The following C2orf66 variants were observed in gnomAD, a reference collection of about 807,000 sequenced individuals.
The protein encoded by C2orf66 is uncharacterized protein C2orf66.
In C2orf66, 6 loss-of-function variants were observed where a neutral mutation model predicts 7.0. That is an observed-to-expected ratio of 0.86 (90% CI 0.47 to 1.69). C2orf66 has a LOEUF of 1.69. Among genes scored for constraint, C2orf66 ranks in the 40% most tolerant of loss-of-function variants. The probability of loss-of-function intolerance (pLI) is 0.01; values close to 1 mark genes in which losing one functional copy is unlikely to be tolerated. For missense variants in C2orf66, 107 were observed against 112.0 expected (o/e 0.96, Z 0.20); for synonymous variants, 38 against 43.8 (o/e 0.87, Z 0.52).
chr2:196,818,958 CTT>C, the C2orf66 span, among the ~76,000 whole-genome samples: 2 of 152,108 alleles, frequency 1.3e-5, no homozygotes, highest in African/African-American at 4.8e-5. Context: ...AGTCTAAACT[CTT>C]GATTGTGATG....
chr2:196,830,051 C>T, the C2orf66 span, among the ~76,000 whole-genome samples: 1 of 152,166 alleles, frequency 6.6e-6, no homozygotes, highest in Admixed American at 6.5e-5. Context: ...ATATATCCTC[C>T]CCCATTTTAC....
the C2orf66 span, among the ~76,000 whole-genome samples, chr2:196,818,208 C>T: frequency 1.3e-5 from 2 of 152,222 alleles, no homozygotes; most frequent in Admixed American, 6.5e-5. Context: ...ACACCTGAGA[C>T]CACAGAGCAA....
At chr2:196,821,928 C>CTTTTTTTTTTTTTTTTTTTT in the C2orf66 span, among the ~76,000 whole-genome samples, 1 of 32,276 alleles carries the variant, frequency 3.1e-5, no homozygotes. Context: ...AACCAGTGAG[C>CTTTTTTTTTTTTTTTTTTTT]TTTTTTTTTT....
At chr2:196,815,912 T>C in the C2orf66 span, among the ~76,000 whole-genome samples, 97 of 152,070 alleles carry the variant, frequency 6.4e-4, no homozygotes, top group African/African-American at 2.1e-3. Flanking sequence ...CCTAAGTGAA[T>C]AGGAAAATTA....
rs776778424 is a variant in C2orf66 at position 196,809,245 on chromosome 2, T to C, written c.92A>G (p.Lys31Arg). 2 of 1,614,088 alleles carry C rather than the reference T, an allele frequency of 1.2e-6. No individual in the cohort carries two copies. The highest frequency in any genetic ancestry group is 2.2e-5 in the East Asian group (1 of 44,886). ...TCTGTTTCTGGGGTTGTTGAGTGGC[T>C]TCCATTTGTCCTCATTTCTTACTGT... ...GATVRNEDKW[K>R]PLNNPRNRDL... Residue 31 changes from lysine to arginine, a missense_variant, in exon 1 of 3, where the codon AAG becomes AGG. Transcript: ENST00000342506.
chr2:196,827,922 C>T, the C2orf66 span, among the ~76,000 whole-genome samples: 1 of 152,130 alleles, frequency 6.6e-6, no homozygotes, highest in East Asian at 1.9e-4. Context: ...TATACTGTGA[C>T]TTAGGCACAA....
At chr2:196,827,812 C>A in the C2orf66 span, among the ~76,000 whole-genome samples, 1 of 152,102 alleles carries the variant, frequency 6.6e-6, no homozygotes, top group Non-Finnish European at 1.5e-5. Context: ...TTAATATGAA[C>A]ATACCTCACA....
chr2:196,816,809 C>G, the C2orf66 span, among the ~76,000 whole-genome samples: 1 of 152,110 alleles, frequency 6.6e-6, no homozygotes, highest in African/African-American at 2.4e-5. Flanking sequence ...TAAGCCAATT[C>G]TAAAAGCCTG....
At chr2:196,820,085 T>C in the C2orf66 span, among the ~76,000 whole-genome samples, 1 of 152,202 alleles carries the variant, frequency 6.6e-6, no homozygotes, top group Non-Finnish European at 1.5e-5. Context: ...ATAACTCAGA[T>C]GGGGAAGCCC....
the C2orf66 span, among the ~76,000 whole-genome samples, chr2:196,816,293 T>C: frequency 1.3e-5 from 2 of 152,116 alleles, no homozygotes; most frequent in African/African-American, 4.8e-5. Flanking sequence ...CCTCCCCCAT[T>C]GGTATAGGGG....
the C2orf66 span, among the ~76,000 whole-genome samples, chr2:196,829,876 A>G: frequency 0.011 from 1,635 of 151,504 alleles, 38 homozygotes; most frequent in African/African-American, 0.038. Flanking sequence ...CAGCCTGGGC[A>G]ACAGAGCGAG....
At chr2:196,814,231 A>G (rs1369963312), upstream of C2orf66, among the ~76,000 whole-genome samples, 1 of 152,236 alleles carries the variant, frequency 6.6e-6, no homozygotes. Flanking sequence ...ACCATGGAAT[A>G]CTATGCAGCC....
chr2:196,809,496 TC>T, upstream of C2orf66: 1 of 1,033,942 alleles, frequency 9.7e-7, no homozygotes, highest in Non-Finnish European at 1.4e-6. Context: ...CCATCTTTTT[TC>T]CAGATTGACT....
At position 196,805,101 on chromosome 2, in the gene C2orf66, A is replaced by AAAG. The variant is rs2125757113; in HGVS notation, c.*326_*327insCTT. On this transcript the variant is annotated 3_prime_UTR_variant, in exon 3 of 3. Coordinates refer to ENST00000342506, the MANE Select transcript of C2orf66 (RefSeq NM_213608.3). ...ATAAACATAAAAGACAAGTTTTAAA[A>AAAG]ACAAGCTTAAAGAAACATCTAATTT... The AAAG allele has an allele frequency of 6.6e-6, 1 of 152,354 alleles. No homozygotes were observed. Among genetic ancestry groups the AAAG allele is most frequent in the South Asian group, 2.1e-4 (1 of 4,832 alleles). 9.4% of individuals were successfully genotyped at this position (152,354 alleles called of 1,614,324 possible). A position where few individuals can be genotyped will look rare whatever the true frequency, so the allele number is the denominator to read the frequency against.
upstream of C2orf66, among the ~76,000 whole-genome samples, chr2:196,814,072 G>T (rs1387290029): frequency 1.3e-5 from 2 of 152,182 alleles, no homozygotes; most frequent in South Asian, 4.1e-4. Context: ...CCATTACTGG[G>T]TATACACCCA....
At chr2:196,814,951 A>T in the C2orf66 span, among the ~76,000 whole-genome samples, 3 of 152,098 alleles carry the variant, frequency 2.0e-5, no homozygotes, top group Admixed American at 6.6e-5. Flanking sequence ...TGTTTAAGTT[A>T]AAAAAATTAA....
intron 2 of C2orf66, among the ~76,000 whole-genome samples, 199 bp downstream of exon 2, chr2:196,807,225 A>AT (rs984424318): frequency 1.3e-5 from 2 of 152,196 alleles, no homozygotes; most frequent in African/African-American, 4.8e-5. Context: ...AAAAATAAAA[A>AT]CTGTCATTTC....
Position 196,804,577 on chromosome 2 carries a change from T to C in C2orf66, c.*851A>G, listed in dbSNP as rs1699799365. ...AATCACAGAGAAGATGATGCAGCTA[T>C]CTATAAAGATACAGGAAAAGCAGCT... On this transcript the variant is annotated 3_prime_UTR_variant, in exon 3 of 3. Coordinates refer to ENST00000342506, the MANE Select transcript of C2orf66 (RefSeq NM_213608.3). Among the ~76,000 whole-genome samples the C allele has an allele frequency of 6.6e-6, 1 of 152,194 alleles. No individual in the cohort carries two copies.
At chr2:196,827,954 ATTCT>A in the C2orf66 span, among the ~76,000 whole-genome samples, 2 of 152,198 alleles carry the variant, frequency 1.3e-5, no homozygotes, top group Non-Finnish European at 1.5e-5. Context: ...ATCTAACTTA[ATTCT>A]TTCTCCAAAC....
Sources: gnomAD v4.1 joint callset for allele counts (sites outside exome capture counted in the v4.1 genomes callset) on GRCh38, gnomAD v4.1.1 for gene constraint, MANE v1.5 for transcripts, NCBI Gene and HGNC (gene_info 2026-07-23, HGNC 2026-07-21) for gene names.